The following UBAP2 variants were observed in gnomAD, a reference collection of about 807,000 sequenced individuals.
UBAP2 encodes ubiquitin-associated protein 2.
A neutral mutation model predicts 139.6 loss-of-function variants in UBAP2; 75 were observed. The ratio of observed to expected loss-of-function variants is 0.54; its 90% CI spans 0.45 to 0.65. The LOEUF (loss-of-function observed/expected upper bound fraction) is 0.65, where lower values mean the gene tolerates loss of function less well. Ranked by LOEUF, UBAP2 falls within the 30% of genes least tolerant of loss-of-function variation. UBAP2 has a pLI of 0.00. For missense variants in UBAP2, 1,368 were observed against 1,369.6 expected, an observed-to-expected ratio of 1.00 and a Z score of 0.02; for synonymous variants, 526 against 526.2, an observed-to-expected ratio of 1.00 and a Z score of 0.01.
intron 1 of UBAP2, among the ~76,000 whole-genome samples, chr9:34,025,277 T>C (rs900697993): frequency 3.9e-5 from 6 of 152,200 alleles, no homozygotes; most frequent in African/African-American, 1.4e-4. Flanking sequence ...TTGTGTTCCA[T>C]CATCTATCAC....
intron 11 of UBAP2, among the ~76,000 whole-genome samples, chr9:33,954,884 T>G (rs907474935): frequency 6.6e-6 from 1 of 152,226 alleles, no homozygotes; most frequent in East Asian, 1.9e-4. Context: ...AAAACTGCCT[T>G]CATTTCTAAG....
intron 3 of UBAP2, chr9:33,997,588 C>G (rs1174658281): frequency 6.6e-6 from 1 of 152,136 alleles, no homozygotes; most frequent in African/African-American, 2.4e-5. Flanking sequence ...CTTTGGATAG[C>G]TACTAATAAA....
intron 1 of UBAP2, among the ~76,000 whole-genome samples, chr9:34,039,271 G>GT (rs1332119663): frequency 7.2e-6 from 1 of 139,640 alleles, no homozygotes; most frequent in East Asian, 2.5e-4. Context: ...CGTCCGAGAG[G>GT]TGGGGGGGGC....
At chr9:33,934,967 GTCTGCTTAAGT>G (rs1276693722) in intron 17 of UBAP2, among the ~76,000 whole-genome samples, 1 of 152,122 alleles carries the variant, frequency 6.6e-6, no homozygotes, top group Non-Finnish European at 1.5e-5. Flanking sequence ...GCTCACCTCG[GTCTGCTTAAGT>G]TCAATATCCG....
intron 2 of UBAP2, among the ~76,000 whole-genome samples, chr9:34,005,722 G>A (rs1283164977): frequency 5.9e-5 from 9 of 152,088 alleles, no homozygotes; most frequent in African/African-American, 2.2e-4. Flanking sequence ...GTCAAACACT[G>A]AAGATAGGCA....
chr9:33,930,849 T>C (rs1400841733), intron 19 of UBAP2, among the ~76,000 whole-genome samples: 5 of 141,880 alleles, frequency 3.5e-5, no homozygotes, highest in Non-Finnish European at 7.5e-5. Flanking sequence ...TGAGCTGAGA[T>C]TGCGCCATTG....
intron 6 of UBAP2, among the ~76,000 whole-genome samples, chr9:33,976,223 A>C (rs1028731809): frequency 2.6e-5 from 4 of 152,202 alleles, no homozygotes; most frequent in African/African-American, 9.7e-5. Flanking sequence ...ACAAGCTACA[A>C]AACAAGGAAA....
rs911015512 is a variant in UBAP2, at chr9:33,973,107, G to A, written c.575+76C>T. Reference sequence around the variant, plus strand: ...ATTCACCATGATGACTAAATTAGATGTAGGGTATTAGAAGCAACTGCAGAA... The same window carrying A: ...ATTCACCATGATGACTAAATTAGATATAGGGTATTAGAAGCAACTGCAGAA... On this transcript the variant is annotated intron_variant, in intron 7 of 28. Transcript: ENST00000379238. The A allele has an allele frequency of 9.5e-6, 12 of 1,268,656 alleles. No homozygotes were observed. The East Asian group carries it at 1.2e-4, about 12-fold the overall frequency. The allele number at this position is 1,268,656 out of a possible 1,614,324, so 78.6% of individuals were successfully genotyped here. A position where few individuals can be genotyped will look rare whatever the true frequency, so the allele number is the denominator to read the frequency against.
At chr9:34,003,375 C>CT (rs34673994) in intron 2 of UBAP2, among the ~76,000 whole-genome samples, 25,853 of 137,996 alleles carry the variant, frequency 0.19, 2,924 homozygotes, top group South Asian at 0.35. Context: ...TCAAAGATGG[C>CT]TTTTTTTTTT....
chr9:33,931,433 G>A (rs987020394), intron 19 of UBAP2, among the ~76,000 whole-genome samples: 4 of 152,120 alleles, frequency 2.6e-5, no homozygotes, highest in African/African-American at 9.7e-5. Context: ...GATGGAGAGT[G>A]CAGCTCCCCA....
intron 1 of UBAP2, among the ~76,000 whole-genome samples, chr9:34,020,018 G>A (rs1388516160): frequency 1.3e-5 from 2 of 151,732 alleles, no homozygotes; most frequent in Non-Finnish European, 2.9e-5. Flanking sequence ...AAATTAGCCA[G>A]GCATGGTGGC....
intron 1 of UBAP2, 80 bp from the exon 2 acceptor site, chr9:34,017,269 C>A (rs1301046126): frequency 3.5e-6 from 2 of 573,264 alleles, no homozygotes; most frequent in African/African-American, 1.9e-5. Flanking sequence ...AGGACACTTA[C>A]AATAAAAGAT....
At position 33,941,110 on chromosome 9, in the gene UBAP2, C is replaced by T. The variant is rs73477259; in HGVS notation, c.1929+539G>A. On this transcript the variant is annotated intron_variant, in intron 16 of 28. Coordinates refer to ENST00000379238, the MANE Select transcript of UBAP2 (RefSeq NM_001370062.2). ...ATTCTCAGGAGATATTGGTACATCTCAACTTAACAGAAAGCAATACAACTG... is the reference window on the plus strand; with the variant it reads ...ATTCTCAGGAGATATTGGTACATCTTAACTTAACAGAAAGCAATACAACTG... Among the ~76,000 whole-genome samples, 519 of 152,232 alleles carry T rather than the reference C, an allele frequency of 3.4e-3. 5 individuals carry two copies. The highest frequency in any genetic ancestry group is 0.012 in the African/African-American group (487 of 41,532).
intron 1 of UBAP2, among the ~76,000 whole-genome samples, chr9:34,036,253 G>A (rs1355890838): frequency 2.0e-5 from 3 of 151,280 alleles, no homozygotes; most frequent in African/African-American, 2.4e-5. Context: ...AGTAGCTGGG[G>A]TTACAGGCAC....
chr9:34,004,918 T>C (rs1823054436), intron 2 of UBAP2, among the ~76,000 whole-genome samples: 1 of 151,646 alleles, frequency 6.6e-6, no homozygotes, highest in East Asian at 1.9e-4. Flanking sequence ...CCCATCTCTG[T>C]AAAACATTTA....
rs59971755 is a variant in UBAP2, at chr9:34,046,643, C to CAA, written c.-42+2180_-42+2181dup. 1.5e-3 allele frequency among the ~76,000 whole-genome samples: 180 copies of CAA among 122,272 alleles called. 3 individuals carry two copies. Among genetic ancestry groups the CAA allele is most frequent in the East Asian group, 5.3e-3 (24 of 4,512 alleles). The allele number at this position is 122,272 out of a possible 152,430, so 80.2% of individuals were successfully genotyped here. On this transcript the variant is annotated intron_variant, in intron 1 of 28. Transcript: ENST00000379238. ...TGGGCGACAGAACAAGACTCCATCTCAAAAAAAAAAAAAAAAAAAAAAAAA... is the reference window on the plus strand; with the variant it reads ...TGGGCGACAGAACAAGACTCCATCTCAAAAAAAAAAAAAAAAAAAAAAAAAAA...
At chr9:33,934,068 A>G (rs1352845301) in intron 17 of UBAP2, 1 of 167,920 alleles carries the variant, frequency 6.0e-6, no homozygotes, top group Non-Finnish European at 1.3e-5. Flanking sequence ...GCTTCCGCCA[A>G]GTCAGGCTGA....
At chr9:33,951,964 A>T (rs1016191250) in intron 12 of UBAP2, among the ~76,000 whole-genome samples, 1 of 152,192 alleles carries the variant, frequency 6.6e-6, no homozygotes, top group Non-Finnish European at 1.5e-5. Context: ...GGGCTGTTCT[A>T]CTTCAAGCAC....
intron 2 of UBAP2, among the ~76,000 whole-genome samples, chr9:34,016,208 A>G (rs1824252265): frequency 1.6e-5 from 2 of 125,894 alleles, no homozygotes; most frequent in Non-Finnish European, 3.5e-5. Flanking sequence ...GAAGAGGAGG[A>G]ATAGGAGGAA....
Sources: allele counts gnomAD v4.1 joint callset (sites outside exome capture counted in the v4.1 genomes callset), GRCh38; gene constraint gnomAD v4.1.1; transcripts MANE v1.5; gene names NCBI Gene and HGNC (gene_info 2026-07-23, HGNC 2026-07-21).